Variants in SUCLG2 observed in about 807,000 individuals in gnomAD.
The protein encoded by SUCLG2 is succinate--CoA ligase [GDP-forming] subunit beta, mitochondrial.
Under a neutral mutation model 47.9 loss-of-function variants are expected in SUCLG2, and 42 were observed. That is an observed-to-expected ratio of 0.88 (90% CI 0.69 to 1.14). The LOEUF (loss-of-function observed/expected upper bound fraction) is 1.14. Ranked by LOEUF, SUCLG2 falls within the 50% of genes most tolerant of loss-of-function variation. SUCLG2 has a pLI of 0.00. For synonymous variants in SUCLG2, 195 were observed against 197.3 expected (o/e 0.99, Z 0.10); for missense variants, 571 against 525.9 (o/e 1.09, Z -0.84).
At position 67,520,447 on chromosome 3, in the gene SUCLG2, C is replaced by G. The variant is rs1706065495; in HGVS notation, c.570+35G>C. 7.4e-6 allele frequency: 12 copies of G among 1,613,444 alleles called. No homozygotes were observed. The South Asian group carries it at 1.2e-4, about 16-fold the overall frequency. ...ATTTAACAGCTTCTACAATAACAATCAATTAATAGCAGGTAGCCCGGAATT... is the reference window on the plus strand; with the variant it reads ...ATTTAACAGCTTCTACAATAACAATGAATTAATAGCAGGTAGCCCGGAATT... On this transcript the variant is annotated intron_variant, in intron 5 of 10. Transcript: ENST00000307227.
intron 7 of SUCLG2, among the ~76,000 whole-genome samples, chr3:67,507,691 C>T (rs1705674876): frequency 6.6e-6 from 1 of 152,178 alleles, no homozygotes; most frequent in Non-Finnish European, 1.5e-5. Flanking sequence ...CTGAAATGTG[C>T]TAAGGAGAAA....
chr3:67,584,354 T>G (rs1707956714), intron 2 of SUCLG2, among the ~76,000 whole-genome samples: 1 of 152,174 alleles, frequency 6.6e-6, no homozygotes, highest in African/African-American at 2.4e-5. Flanking sequence ...AGGGACACAA[T>G]GCAGATTAAT....
chr3:67,450,797 G>A (rs1704038588), intron 9 of SUCLG2, among the ~76,000 whole-genome samples: 1 of 152,184 alleles, frequency 6.6e-6, no homozygotes, highest in South Asian at 2.1e-4. Context: ...CATCCCAGAA[G>A]GCTTGCTACT....
At chr3:67,434,284 G>A (rs1396496038) in intron 9 of SUCLG2, among the ~76,000 whole-genome samples, 1 of 152,146 alleles carries the variant, frequency 6.6e-6, no homozygotes, top group Non-Finnish European at 1.5e-5. Flanking sequence ...CCAGCACTTC[G>A]TGAGGCCAAG....
intron 2 of SUCLG2, among the ~76,000 whole-genome samples, chr3:67,547,336 AT>A (rs1706893145): frequency 6.6e-6 from 1 of 152,348 alleles, no homozygotes; most frequent in Admixed American, 6.5e-5. Flanking sequence ...AGTCTCTGGT[AT>A]TTCCTTACGG....
chr3:67,463,662 C>G (rs1559535893), intron 9 of SUCLG2, among the ~76,000 whole-genome samples: 1 of 152,194 alleles, frequency 6.6e-6, no homozygotes, highest in Non-Finnish European at 1.5e-5. Context: ...CTCAAGAGTT[C>G]CTGTTGGTAC....
At chr3:67,451,064 C>G (rs1284404644) in intron 9 of SUCLG2, among the ~76,000 whole-genome samples, 1 of 152,148 alleles carries the variant, frequency 6.6e-6, no homozygotes, top group Non-Finnish European at 1.5e-5. Flanking sequence ...CCTATTATTC[C>G]CAATTTATAG....
intron 9 of SUCLG2, among the ~76,000 whole-genome samples, chr3:67,444,134 A>C (rs1703857441): frequency 1.5e-5 from 1 of 67,618 alleles, no homozygotes; most frequent in Non-Finnish European, 3.2e-5. Flanking sequence ...CCGCCTGGCC[A>C]GCCGTGCCGT....
At chr3:67,535,504 G>A (rs560484081) in intron 2 of SUCLG2, among the ~76,000 whole-genome samples, 1 of 152,230 alleles carries the variant, frequency 6.6e-6, no homozygotes, top group African/African-American at 2.4e-5. Context: ...CAGTGTTGGA[G>A]GACAGGCCTA....
rs540312750 is a variant in SUCLG2, at chr3:67,412,173, C to T, written c.1063-11322G>A. ...AGCTGTTCAGCAAATGTCAGTATAC[C>T]ATGACTGGAGAAAATTAGAAACTAC... On this transcript the variant is annotated intron_variant, in intron 9 of 10. Coordinates refer to ENST00000307227, the MANE Select transcript of SUCLG2 (RefSeq NM_003848.4). 2.6e-5 allele frequency among the ~76,000 whole-genome samples: 4 copies of T among 152,256 alleles called. No homozygotes were observed. In the South Asian group the frequency reaches 8.3e-4, roughly 32 times the overall value.
At chr3:67,630,524 A>G (rs892716363) in intron 1 of SUCLG2, among the ~76,000 whole-genome samples, 2 of 152,256 alleles carry the variant, frequency 1.3e-5, no homozygotes, top group African/African-American at 4.8e-5. Context: ...ATAAATGTCC[A>G]TTCATTTGAT....
At chr3:67,525,884 T>A (rs767823905) in intron 4 of SUCLG2, among the ~76,000 whole-genome samples, 3 of 152,192 alleles carry the variant, frequency 2.0e-5, no homozygotes, top group African/African-American at 4.8e-5. Flanking sequence ...ACAAAGCACA[T>A]ATCCAACAGT....
intron 9 of SUCLG2, among the ~76,000 whole-genome samples, chr3:67,471,912 C>T (rs1055758825): frequency 4.4e-4 from 67 of 152,274 alleles, no homozygotes; most frequent in African/African-American, 1.5e-3. Context: ...AGAACTGTTT[C>T]CTCCAGAGGC....
intron 2 of SUCLG2, among the ~76,000 whole-genome samples, chr3:67,546,023 GTT>G (rs1706853959): frequency 6.6e-6 from 1 of 152,120 alleles, no homozygotes; most frequent in African/African-American, 2.4e-5. Flanking sequence ...TTCTTGGACT[GTT>G]TTCAAAACGA....
At chr3:67,615,748 A>C (rs1037905922) in intron 1 of SUCLG2, among the ~76,000 whole-genome samples, 7 of 152,012 alleles carry the variant, frequency 4.6e-5, no homozygotes, top group African/African-American at 1.7e-4. Context: ...TTCCAAAACA[A>C]TTTGACAGTG....
chr3:67,557,237 T>C lies in SUCLG2; in HGVS notation c.227-28051A>G, dbSNP rs138780407. On this transcript the variant is annotated intron_variant, in intron 2 of 10. Transcript: ENST00000307227. ...ACCTCTACAATACTCAGGTGACATT[T>C]TAAGAAATACTAATATCACATATTA... is the stretch of plus-strand genomic sequence containing the variant. 5.0e-3 allele frequency among the ~76,000 whole-genome samples: 761 copies of C among 152,300 alleles called. 4 individuals are homozygous for C. The highest frequency in any genetic ancestry group is 0.018 in the African/African-American group (728 of 41,556).
intron 9 of SUCLG2, among the ~76,000 whole-genome samples, chr3:67,479,029 T>G (rs1704841807): frequency 6.6e-6 from 1 of 152,164 alleles, no homozygotes; most frequent in African/African-American, 2.4e-5. Flanking sequence ...TAAAAGTAGC[T>G]CAAGTCATGT....
chr3:67,530,154 C>T (rs1177381997), intron 2 of SUCLG2, among the ~76,000 whole-genome samples: 1 of 152,136 alleles, frequency 6.6e-6, no homozygotes, highest in Non-Finnish European at 1.5e-5. Context: ...GTTCAGTATA[C>T]CAGATTTAGA....
intron 9 of SUCLG2, among the ~76,000 whole-genome samples, chr3:67,448,967 T>C (rs779979055): frequency 3.3e-4 from 51 of 152,336 alleles, no homozygotes; most frequent in Admixed American, 3.9e-4. Context: ...AATAGACAGA[T>C]GGAAGTAATA....
Sources: allele counts gnomAD v4.1 joint callset (sites outside exome capture counted in the v4.1 genomes callset), GRCh38; gene constraint gnomAD v4.1.1; transcripts MANE v1.5; gene names NCBI Gene and HGNC (gene_info 2026-07-23, HGNC 2026-07-21).